Variants in RBFOX1 observed in about 807,000 individuals in gnomAD.
The protein encoded by RBFOX1 is RNA binding fox-1 homolog 1.
Under a neutral mutation model 57.7 loss-of-function variants are expected in RBFOX1, and 8 were observed. The ratio of observed to expected loss-of-function variants is 0.14; its 90% CI spans 0.08 to 0.25. The LOEUF (loss-of-function observed/expected upper bound fraction) is 0.25. Among genes scored for constraint, RBFOX1 ranks in the 10% least tolerant of loss-of-function variants. The probability of loss-of-function intolerance (pLI) is 1.00; values close to 1 mark genes in which losing one functional copy is unlikely to be tolerated. For synonymous variants in RBFOX1, 326 were observed against 222.4 expected (o/e 1.47, Z -4.15); for missense variants, 611 against 548.5 (o/e 1.11, Z -1.14).
chr16:6,387,008 A>G (rs77325485), intron 2 of RBFOX1, among the ~76,000 whole-genome samples: 3,526 of 152,312 alleles, frequency 0.023, 68 homozygotes, highest in South Asian at 0.035. Context: ...GTACCCAGGA[A>G]CATGACTGGG....
chr16:7,474,000 GC>G (rs1303743100), intron 4 of RBFOX1, among the ~76,000 whole-genome samples: 1 of 152,000 alleles, frequency 6.6e-6, no homozygotes, highest in Non-Finnish European at 1.5e-5. Context: ...ATTAAAAACA[GC>G]CCCCCGGCCG....
chr16:7,095,979 C>T (rs938198036), intron 4 of RBFOX1, among the ~76,000 whole-genome samples: 1 of 144,010 alleles, frequency 6.9e-6, no homozygotes, highest in East Asian at 2.0e-4. Flanking sequence ...CACCACTGCA[C>T]TCCAGCCTGG....
chr16:5,881,732 T>C (rs531120237), intron 4 of RBFOX1, among the ~76,000 whole-genome samples: 2 of 152,046 alleles, frequency 1.3e-5, no homozygotes, highest in African/African-American at 2.4e-5. Context: ...GCTAAAATTT[T>C]CCCCCCAATG....
intron 3 of RBFOX1, among the ~76,000 whole-genome samples, chr16:5,657,652 CTTT>C (rs377709791): frequency 8.6e-6 from 1 of 115,702 alleles, no homozygotes; most frequent in Non-Finnish European, 1.8e-5. Flanking sequence ...TTCTTTCTTT[CTTT>C]TCTTTTCTTT....
At chr16:6,859,137 ATACGTATATATATATG>A (rs2058482725) in intron 3 of RBFOX1, among the ~76,000 whole-genome samples, 2 of 102,948 alleles carry the variant, frequency 1.9e-5, no homozygotes, top group African/African-American at 4.4e-5. Flanking sequence ...ATACATATAT[ATACGTATATATATATG>A]TATATATATA....
intron 12 of RBFOX1, among the ~76,000 whole-genome samples, 174 bp downstream of exon 12, chr16:7,654,121 G>C (rs1373153493): frequency 6.6e-6 from 1 of 152,068 alleles, no homozygotes; most frequent in African/African-American, 2.4e-5. Context: ...TAAGAGTATT[G>C]AAAAATGAGT....
At chr16:5,728,917 T>G (rs2052255326) in intron 3 of RBFOX1, among the ~76,000 whole-genome samples, 1 of 152,158 alleles carries the variant, frequency 6.6e-6, no homozygotes, top group Non-Finnish European at 1.5e-5. Flanking sequence ...AGAGACAATA[T>G]CACCTCTCAA....
intron 4 of RBFOX1, among the ~76,000 whole-genome samples, chr16:7,325,295 T>G (rs1050213823): frequency 6.6e-6 from 1 of 152,206 alleles, no homozygotes; most frequent in Non-Finnish European, 1.5e-5. Flanking sequence ...ATAATAAATC[T>G]GAGGCACAGA....
chr16:5,707,188 G>C (rs185618289), intron 3 of RBFOX1, among the ~76,000 whole-genome samples: 21 of 152,198 alleles, frequency 1.4e-4, no homozygotes, highest in African/African-American at 5.1e-4. Context: ...CCCATGAGTA[G>C]GACTCACACC....
intron 1 of RBFOX1, among the ~76,000 whole-genome samples, chr16:6,218,565 C>G (rs1180886684): frequency 2.0e-5 from 3 of 152,152 alleles, no homozygotes; most frequent in African/African-American, 4.8e-5. Flanking sequence ...CCACCTCGGC[C>G]TCCCAAAGTG....
At chr16:7,165,747 G>T (rs2079345609) in intron 4 of RBFOX1, among the ~76,000 whole-genome samples, 2 of 152,002 alleles carry the variant, frequency 1.3e-5, no homozygotes. Flanking sequence ...GGAATGATTA[G>T]ATTTAACTTT....
At chr16:7,159,631 G>T (rs1212960320) in intron 4 of RBFOX1, among the ~76,000 whole-genome samples, 2 of 152,190 alleles carry the variant, frequency 1.3e-5, no homozygotes, top group Non-Finnish European at 2.9e-5. Flanking sequence ...CGCTTATCGT[G>T]TGTGTTTGTG....
chr16:7,689,671 T>G (rs572977558), intron 14 of RBFOX1, among the ~76,000 whole-genome samples: 6 of 152,042 alleles, frequency 3.9e-5, no homozygotes, highest in Admixed American at 3.9e-4. Context: ...AGAAAAGTTG[T>G]GGGTGACAGG....
At chr16:6,931,945 G>C (rs948012054) in intron 3 of RBFOX1, among the ~76,000 whole-genome samples, 1 of 152,138 alleles carries the variant, frequency 6.6e-6, no homozygotes, top group South Asian at 2.1e-4. Context: ...CCAGGGGGCT[G>C]AAGTCATCCT....
chr16:7,321,119 ATATACATATACT>A (rs749288362), intron 4 of RBFOX1, among the ~76,000 whole-genome samples: 3,209 of 137,400 alleles, frequency 0.023, 49 homozygotes, highest in Middle Eastern at 0.044. Flanking sequence ...ATACATATAC[ATATACATATACT>A]TATACTTATA....
At chr16:6,042,202 G>A (rs1050966082) in intron 1 of RBFOX1, among the ~76,000 whole-genome samples, 1 of 151,592 alleles carries the variant, frequency 6.6e-6, no homozygotes, top group Admixed American at 6.6e-5. Context: ...CCAAGTTCAA[G>A]TGGTTCTCCT....
chr16:5,751,992 T>C (rs1243138447), intron 3 of RBFOX1, among the ~76,000 whole-genome samples: 2 of 152,210 alleles, frequency 1.3e-5, no homozygotes, highest in African/African-American at 2.4e-5. Flanking sequence ...CATTGTACAC[T>C]ATTCACAATA....
At chr16:6,537,021 C>A (rs1481527068) in intron 2 of RBFOX1, among the ~76,000 whole-genome samples, 2 of 152,148 alleles carry the variant, frequency 1.3e-5, no homozygotes, top group Non-Finnish European at 2.9e-5. Context: ...AATGTACAGT[C>A]CTACGTACGG....
chr16:5,769,487 C>CAA (rs113487749), intron 3 of RBFOX1, among the ~76,000 whole-genome samples: 76 of 121,580 alleles, frequency 6.3e-4, no homozygotes, highest in African/African-American at 2.3e-3. Flanking sequence ...CTAAAAAATA[C>CAA]AAAAAAAAAA....
Sources: gnomAD v4.1 joint callset for allele counts (sites outside exome capture counted in the v4.1 genomes callset) on GRCh38, gnomAD v4.1.1 for gene constraint, MANE v1.5 for transcripts, NCBI Gene and HGNC (gene_info 2026-07-23, HGNC 2026-07-21) for gene names.